The following MLLT3 variants were observed in gnomAD, a reference collection of about 807,000 sequenced individuals.
MLLT3 encodes the protein MLLT3 super elongation complex subunit.
Under a neutral mutation model 53.2 loss-of-function variants are expected in MLLT3, and 4 were observed. The observed-to-expected ratio is 0.08, with a 90% CI of 0.04 to 0.17. MLLT3 has a LOEUF of 0.17. Among genes scored for constraint, MLLT3 ranks in the 10% least tolerant of loss-of-function variants. MLLT3 has a pLI of 1.00. For synonymous variants in MLLT3, 283 were observed against 230.6 expected, an observed-to-expected ratio of 1.23 and a Z score of -2.06; for missense variants, 569 against 684.0, an observed-to-expected ratio of 0.83 and a Z score of 1.87.
rs140326297 is a variant in MLLT3, at chr9:20,397,764, C to G, written c.1125+15957G>C. ...GCTGTCTTTAGAGTTCATTTTTTTT[C>G]TCTTAATAATCTCAGCATCCCACAG... is the stretch of plus-strand genomic sequence containing the variant. On this transcript the variant is annotated intron_variant, in intron 5 of 10. Transcript: ENST00000380338. Among the ~76,000 whole-genome samples, 454 of 152,042 alleles carry G rather than the reference C, an allele frequency of 3.0e-3. 5 individuals carry two copies. The highest frequency in any genetic ancestry group is 9.9e-3 in the African/African-American group (409 of 41,494).
chr9:20,443,396 C>T (rs1193097688), intron 4 of MLLT3, among the ~76,000 whole-genome samples: 2 of 152,074 alleles, frequency 1.3e-5, no homozygotes, highest in Middle Eastern at 3.2e-3. Flanking sequence ...GCCTTTAATC[C>T]GCTAAAAATT....
Position 20,549,678 on chromosome 9 carries a change from C to G in MLLT3, c.193+70976G>C, listed in dbSNP as rs80069367. ...CCAAATGGCATGCTTTTAACCACTA[C>G]GCTGTACAGCCAAGACTATCAAATT... is the stretch of plus-strand genomic sequence containing the variant. On this transcript the variant is annotated intron_variant, in intron 2 of 10. Transcript: ENST00000380338. Among the ~76,000 whole-genome samples, 1,534 of 152,330 alleles carry G rather than the reference C, an allele frequency of 0.01. 59 individuals carry two copies. The East Asian group carries it at 0.13, about 13-fold the overall frequency.
intron 5 of MLLT3, among the ~76,000 whole-genome samples, chr9:20,402,693 A>G (rs1374123012): frequency 6.6e-6 from 1 of 152,130 alleles, no homozygotes; most frequent in Non-Finnish European, 1.5e-5. Context: ...TCAAGTCATG[A>G]TTATTCTGGT....
rs143378352 is a variant in MLLT3 at position 20,343,326 on chromosome 9, G to C, written c.*3117C>G. ...TTGCCTAGCAATTTAAAATGTTTAA[G>C]ACACTCTCTTAAGAGATATTTTTTT... On this transcript the variant is annotated 3_prime_UTR_variant, in exon 11 of 11. Coordinates refer to ENST00000380338, the MANE Select transcript of MLLT3 (RefSeq NM_004529.4). 4 of 202,782 alleles carry C rather than the reference G, an allele frequency of 2.0e-5. No homozygotes were observed. Among genetic ancestry groups the C allele is most frequent in the Non-Finnish European group, 4.0e-5 (4 of 100,222 alleles). The allele number at this position is 202,782 out of a possible 1,614,324, so 12.6% of individuals were successfully genotyped here.
At chr9:20,463,576 G>A (rs891364569) in intron 2 of MLLT3, among the ~76,000 whole-genome samples, 3 of 152,082 alleles carry the variant, frequency 2.0e-5, no homozygotes, top group Admixed American at 2.0e-4. Context: ...AATTGATAGT[G>A]CTTCTCCTAG....
At chr9:20,517,562 C>T (rs546196119) in intron 2 of MLLT3, among the ~76,000 whole-genome samples, 9 of 152,182 alleles carry the variant, frequency 5.9e-5, no homozygotes, top group Non-Finnish European at 1.0e-4. Context: ...CAGGGCCAGG[C>T]GCAGTGGCTC....
chr9:20,396,604 A>T (rs1822327844), intron 5 of MLLT3, among the ~76,000 whole-genome samples: 1 of 152,008 alleles, frequency 6.6e-6, no homozygotes, highest in South Asian at 2.1e-4. Context: ...CTGGGCCCAA[A>T]GTGCTATGGT....
At position 20,448,551 on chromosome 9, in the gene MLLT3, A is replaced by G. The variant is rs537484981; in HGVS notation, c.277-285T>C. On this transcript the variant is annotated intron_variant, in intron 3 of 10. Transcript: ENST00000380338. This position sits in a 1 kb window ranked among gnomAD's most constrained non-coding sequence, Gnocchi z 4.0. ...CAGGATACCAGCAACATAGCCACCC[A>G]ACTAGAAACCAAGCACATTCCTTCC... Among the ~76,000 whole-genome samples, 19 of 152,204 alleles carry G rather than the reference A, an allele frequency of 1.2e-4. 1 individual carries two copies. In the South Asian group the frequency reaches 3.7e-3, roughly 30 times the overall value.
chr9:20,576,603 C>T (rs1348232501), intron 2 of MLLT3, among the ~76,000 whole-genome samples: 1 of 152,014 alleles, frequency 6.6e-6, no homozygotes, highest in Non-Finnish European at 1.5e-5. Context: ...TCAGAACATA[C>T]ACAGCATATA....
chr9:20,446,328 G>A (rs1002127791), intron 4 of MLLT3, among the ~76,000 whole-genome samples: 47 of 152,284 alleles, frequency 3.1e-4, no homozygotes, highest in Non-Finnish European at 4.9e-4. Flanking sequence ...AAGAAGGAAA[G>A]TTAGAAGTCA....
At chr9:20,557,354 T>C (rs951094422) in intron 2 of MLLT3, among the ~76,000 whole-genome samples, 7 of 152,174 alleles carry the variant, frequency 4.6e-5, no homozygotes, top group Admixed American at 1.3e-4. Flanking sequence ...CCAATTAATC[T>C]CTCTGTGGTC....
At chr9:20,365,571 A>G (rs1821429328) in intron 6 of MLLT3, 98 bp downstream of exon 6, 1 of 1,337,636 alleles carries the variant, frequency 7.5e-7, no homozygotes, top group African/African-American at 1.4e-5. Context: ...GATGGTCTTG[A>G]TCTCCTGACC....
At chr9:20,614,532 G>A (rs973064022) in intron 2 of MLLT3, among the ~76,000 whole-genome samples, 2 of 151,828 alleles carry the variant, frequency 1.3e-5, no homozygotes, top group African/African-American at 2.4e-5. Context: ...ATGTGTATGT[G>A]TATATATATA....
chr9:20,531,787 G>A (rs1340590432), intron 2 of MLLT3, among the ~76,000 whole-genome samples: 1 of 151,956 alleles, frequency 6.6e-6, no homozygotes, highest in Non-Finnish European at 1.5e-5. Context: ...TTTCATCTCT[G>A]AGGGAAAGGA....
At chr9:20,438,033 T>C (rs760862546) in intron 4 of MLLT3, among the ~76,000 whole-genome samples, 13 of 152,304 alleles carry the variant, frequency 8.5e-5, no homozygotes, top group African/African-American at 2.2e-4. Flanking sequence ...CAGACCTTTA[T>C]AGATATCTAT....
chr9:20,551,810 G>C (rs1818932532), intron 2 of MLLT3, among the ~76,000 whole-genome samples: 1 of 152,044 alleles, frequency 6.6e-6, no homozygotes, highest in African/African-American at 2.4e-5. Flanking sequence ...AATTTTTATT[G>C]AACATTAACA....
chr9:20,601,982 G>A (rs920658016), intron 2 of MLLT3, among the ~76,000 whole-genome samples: 1 of 151,864 alleles, frequency 6.6e-6, no homozygotes, highest in African/African-American at 2.4e-5. Context: ...ACTTTTCTTG[G>A]GGCACTGCTG....
At chr9:20,407,344 C>A (rs1295765618) in intron 5 of MLLT3, among the ~76,000 whole-genome samples, 2 of 152,080 alleles carry the variant, frequency 1.3e-5, no homozygotes, top group Non-Finnish European at 2.9e-5. Flanking sequence ...AATCTAGACC[C>A]AAGAGAGTCA....
intron 2 of MLLT3, among the ~76,000 whole-genome samples, chr9:20,546,983 C>T (rs532899105): frequency 2.6e-4 from 40 of 152,272 alleles, no homozygotes; most frequent in East Asian, 7.7e-4. Context: ...GATTCTTCCC[C>T]GTATATAAGG....
Sources: gnomAD v4.1 joint callset for allele counts (sites outside exome capture counted in the v4.1 genomes callset) on GRCh38, gnomAD v4.1.1 for gene constraint, Gnocchi (gnomAD v3.1) non-coding constraint, MANE v1.5 for transcripts, NCBI Gene and HGNC (gene_info 2026-07-23, HGNC 2026-07-21) for gene names.